Variants in SUSD6 observed in about 807,000 individuals in gnomAD.
SUSD6 encodes sushi domain-containing protein 6.
Under a neutral mutation model 28.4 loss-of-function variants are expected in SUSD6, and 16 were observed. The ratio of observed to expected loss-of-function variants is 0.56; its 90% CI spans 0.38 to 0.86. The LOEUF (loss-of-function observed/expected upper bound fraction) is 0.86. Ranked by LOEUF, SUSD6 falls within the 40% of genes least tolerant of loss-of-function variation. SUSD6 has a pLI of 0.00. For synonymous variants in SUSD6, 147 were observed against 159.6 expected (o/e 0.92, Z 0.59); for missense variants, 341 against 384.2 (o/e 0.89, Z 0.94).
rs57153309 is a variant in SUSD6 at position 69,647,942 on chromosome 14, G to A, written c.-80-10571G>A. ...AGAGGTTGCCGTGAGCCGAGATTGC[G>A]CCACTGCACCCCAGCCTGAGCGACA... On this transcript the variant is annotated intron_variant, in intron 1 of 5. Coordinates refer to ENST00000342745, the MANE Select transcript of SUSD6 (RefSeq NM_014734.4). Among the ~76,000 whole-genome samples the A allele has an allele frequency of 8.5e-3, 1,288 of 152,004 alleles. 23 individuals are homozygous for A. Among genetic ancestry groups the A allele is most frequent in the African/African-American group, 0.029 (1,197 of 41,436 alleles).
chr14:69,684,301 C>T lies in SUSD6; in HGVS notation c.122-19094C>T, dbSNP rs571548167. Reference sequence around the variant, plus strand: ...TACTACCTTCCTTTGTGCCTTGGACCCCCTTAAAGATTTTAAATAAGAAAT... The same window carrying T: ...TACTACCTTCCTTTGTGCCTTGGACTCCCTTAAAGATTTTAAATAAGAAAT... On this transcript the variant is annotated intron_variant, in intron 2 of 5. Coordinates refer to ENST00000342745, the MANE Select transcript of SUSD6 (RefSeq NM_014734.4). Among the ~76,000 whole-genome samples the T allele has an allele frequency of 1.6e-3, 248 of 152,146 alleles. 1 individual carries two copies. Among genetic ancestry groups the T allele is most frequent in the African/African-American group, 5.4e-3 (223 of 41,490 alleles).
At chr14:69,629,186 G>C (rs1055081560) in intron 1 of SUSD6, among the ~76,000 whole-genome samples, 3 of 151,840 alleles carry the variant, frequency 2.0e-5, no homozygotes, top group Non-Finnish European at 4.4e-5. Flanking sequence ...GAAAGGAGGG[G>C]TTGGTTAGCA....
chr14:69,680,099 G>A (rs147770163), intron 2 of SUSD6, among the ~76,000 whole-genome samples: 87 of 152,246 alleles, frequency 5.7e-4, no homozygotes, highest in African/African-American at 2.0e-3. Context: ...CCTTAAGAAT[G>A]GTGTACACTC....
intron 1 of SUSD6, among the ~76,000 whole-genome samples, chr14:69,635,881 C>G (rs933258110): frequency 2.6e-5 from 4 of 152,248 alleles, no homozygotes; most frequent in Non-Finnish European, 5.9e-5. Flanking sequence ...TGGTCAGGGA[C>G]AGCATCTGAG....
chr14:69,620,369 G>A (rs1885019672), intron 1 of SUSD6, among the ~76,000 whole-genome samples: 1 of 152,218 alleles, frequency 6.6e-6, no homozygotes, highest in Non-Finnish European at 1.5e-5. Context: ...AGGCTGGTAG[G>A]TGGTTGCTGC....
intron 2 of SUSD6, among the ~76,000 whole-genome samples, chr14:69,686,902 C>T (rs1437915127): frequency 6.6e-6 from 1 of 152,188 alleles, no homozygotes; most frequent in Non-Finnish European, 1.5e-5. Context: ...TAATGCTTTT[C>T]CCCACATGTT....
intron 2 of SUSD6, among the ~76,000 whole-genome samples, chr14:69,701,206 A>AT (rs1394309145): frequency 1.0e-4 from 15 of 147,400 alleles, no homozygotes; most frequent in African/African-American, 3.8e-4. Context: ...TGCAGTCCTC[A>AT]CTTTTTTTTT....
intron 4 of SUSD6, among the ~76,000 whole-genome samples, chr14:69,706,178 G>A (rs1216197483): frequency 1.3e-5 from 2 of 152,172 alleles, no homozygotes; most frequent in Non-Finnish European, 2.9e-5. Flanking sequence ...GGATGAAGAG[G>A]ATTTGAAGGG....
intron 2 of SUSD6, among the ~76,000 whole-genome samples, chr14:69,684,490 T>G (rs1337456628): frequency 6.6e-6 from 1 of 152,254 alleles, no homozygotes. Flanking sequence ...CCAAGATCTA[T>G]TAATTTCCAG....
At chr14:69,675,040 C>T (rs1160288885) in intron 2 of SUSD6, among the ~76,000 whole-genome samples, 1 of 151,876 alleles carries the variant, frequency 6.6e-6, no homozygotes, top group Non-Finnish European at 1.5e-5. Context: ...TTCTCATTTC[C>T]CCCCCACCCC....
At chr14:69,619,197 G>A (rs114206087) in intron 1 of SUSD6, among the ~76,000 whole-genome samples, 431 of 152,228 alleles carry the variant, frequency 2.8e-3, no homozygotes, top group African/African-American at 0.01. Flanking sequence ...CATATTTTTG[G>A]GAACAAATTC....
chr14:69,642,671 C>T (rs1237355252), intron 1 of SUSD6, among the ~76,000 whole-genome samples: 1 of 138,072 alleles, frequency 7.2e-6, no homozygotes, highest in Non-Finnish European at 1.6e-5. Flanking sequence ...CTGGGTCCCT[C>T]CCACAACACG....
intron 1 of SUSD6, among the ~76,000 whole-genome samples, chr14:69,616,054 C>G (rs912743985): frequency 2.6e-5 from 4 of 152,174 alleles, no homozygotes; most frequent in African/African-American, 9.7e-5. Flanking sequence ...AAGCCTCCTT[C>G]CTTGATTTGA....
chr14:69,677,304 G>A (rs1032966033), intron 2 of SUSD6, among the ~76,000 whole-genome samples: 2 of 152,212 alleles, frequency 1.3e-5, no homozygotes, highest in African/African-American at 4.8e-5. Context: ...CCAGCACTTT[G>A]GGAGGCCGAG....
chr14:69,622,341 A>AT (rs959288840), intron 1 of SUSD6, among the ~76,000 whole-genome samples: 40 of 151,310 alleles, frequency 2.6e-4, no homozygotes, highest in South Asian at 1.0e-3. Context: ...ATTTTTTTGG[A>AT]TTTTTTTGCA....
chr14:69,639,111 G>T (rs979820350), intron 1 of SUSD6, among the ~76,000 whole-genome samples: 4 of 152,056 alleles, frequency 2.6e-5, no homozygotes, highest in African/African-American at 9.7e-5. Flanking sequence ...GGATCACAAG[G>T]TCAGGAGATT....
intron 2 of SUSD6, among the ~76,000 whole-genome samples, chr14:69,700,760 T>C (rs775154903): frequency 6.6e-6 from 1 of 152,222 alleles, no homozygotes; most frequent in Non-Finnish European, 1.5e-5. Flanking sequence ...AATAAATTTG[T>C]ATATAGAGTA....
intron 1 of SUSD6, among the ~76,000 whole-genome samples, chr14:69,614,388 T>C (rs1824601683): frequency 6.6e-6 from 1 of 152,206 alleles, no homozygotes; most frequent in Non-Finnish European, 1.5e-5. Context: ...TCTTATGTAA[T>C]GTTGCATCTC....
chr14:69,708,136 C>T (rs1594725600), intron 4 of SUSD6, among the ~76,000 whole-genome samples: 1 of 152,162 alleles, frequency 6.6e-6, no homozygotes, highest in Admixed American at 6.5e-5. Flanking sequence ...GATTTCTAGT[C>T]CAGTATCCCA....
Sources: allele counts gnomAD v4.1 joint callset (sites outside exome capture counted in the v4.1 genomes callset), GRCh38; gene constraint gnomAD v4.1.1; transcripts MANE v1.5; gene names NCBI Gene and HGNC (gene_info 2026-07-23, HGNC 2026-07-21).